The following FRMPD4 variants were observed in gnomAD, a reference collection of about 807,000 sequenced individuals.
FRMPD4 encodes the protein FERM and PDZ domain-containing protein 4.
A neutral mutation model predicts 94.1 loss-of-function variants in FRMPD4; 22 were observed. The ratio of observed to expected loss-of-function variants is 0.23; its 90% CI spans 0.17 to 0.33. The LOEUF is 0.33. FRMPD4 is among the 10% of genes least tolerant of loss of function. The pLI is 1.00. For missense variants in FRMPD4, 1,111 were observed against 1,339.9 expected, an observed-to-expected ratio of 0.83 and a Z score of 2.67; for synonymous variants, 631 against 548.6, an observed-to-expected ratio of 1.15 and a Z score of -2.10.
At chrX:12,692,600 CTGTT>C (rs959049403) in intron 8 of FRMPD4, among the ~76,000 whole-genome samples, 8 of 112,183 alleles carry the variant, frequency 7.1e-5, no homozygotes, top group South Asian at 7.4e-4. Flanking sequence ...GAAATTGTTT[CTGTT>C]TGTTTATTTT....
At chrX:11,921,709 A>G (rs2054057499) in intron 3 of FRMPD4, among the ~76,000 whole-genome samples, 4 of 112,360 alleles carry the variant, frequency 3.6e-5, no homozygotes, top group Admixed American at 9.5e-5. Flanking sequence ...AAGAAAACAT[A>G]AGGAGCATAG....
At chrX:12,563,691 C>G (rs1219950372) in intron 2 of FRMPD4, among the ~76,000 whole-genome samples, 1 of 112,065 alleles carries the variant, frequency 8.9e-6, no homozygotes, top group African/African-American at 3.2e-5. Context: ...TTTCTCAACA[C>G]ACAACTTTAC....
intron 3 of FRMPD4, among the ~76,000 whole-genome samples, chrX:11,921,113 C>T (rs2054053411): frequency 8.9e-6 from 1 of 112,214 alleles, no homozygotes; most frequent in African/African-American, 3.2e-5. Flanking sequence ...CCATGCCTTT[C>T]TATGAGGAGT....
At chrX:12,481,956 A>AAAAAAAAATAAAAAT (rs2057690048) in intron 1 of FRMPD4, among the ~76,000 whole-genome samples, 1 of 97,748 alleles carries the variant, frequency 1.0e-5, no homozygotes, top group Non-Finnish European at 2.1e-5. Flanking sequence ...AAAAAAAAAA[A>AAAAAAAAATAAAAAT]AAAAAAAAAA....
chrX:12,316,645 A>C (rs1306114772), intron 1 of FRMPD4, among the ~76,000 whole-genome samples: 1 of 111,319 alleles, frequency 9.0e-6, no homozygotes, highest in African/African-American at 3.3e-5. Flanking sequence ...ATTATTTTGC[A>C]TTCACTTCTG....
At chrX:11,998,671 A>G (rs1476599108) in intron 3 of FRMPD4, among the ~76,000 whole-genome samples, 1 of 112,065 alleles carries the variant, frequency 8.9e-6, no homozygotes, top group Non-Finnish European at 1.9e-5. Flanking sequence ...GGGATTGTTT[A>G]AAAAATCTCT....
intron 14 of FRMPD4, among the ~76,000 whole-genome samples, chrX:12,715,070 T>C (rs773902353): frequency 5.4e-5 from 6 of 111,671 alleles, no homozygotes. Context: ...TGGGGGCAGT[T>C]TGAGGGAACA....
Position 12,721,331 on chromosome X carries a change from C to T in FRMPD4, c.4762C>T (p.Arg1588Trp). 1.3e-6 allele frequency: 1 copy of T among 755,592 alleles called. No individual in the cohort carries two copies. The highest frequency in any genetic ancestry group is 1.6e-6 in the Non-Finnish European group (1 of 639,083). The allele number at this position is 755,592 out of a possible 1,213,427, so 62.3% of individuals were successfully genotyped here. ...CTTCAGCAACCTGGCTTTTGATGCC[C>T]GGATTGCAAGAATAAATGCCCTAAA... Reference protein sequence around the residue: ...LDFSNLAFDARIARINALKES... With the variant: ...LDFSNLAFDAWIARINALKES... The change falls in exon 17 of 17, where the codon CGG becomes TGG. Residue 1588 changes from arginine to tryptophan, a missense_variant. Around this residue, in one of 8 missense-constraint regions of FRMPD4, gnomAD observed 551 missense variants for 591.6 expected, o/e 0.93. Coordinates refer to ENST00000675598, the MANE Select transcript of FRMPD4 (RefSeq NM_001368397.1).
At chrX:12,106,460 C>T (rs761758560) in intron 3 of FRMPD4, among the ~76,000 whole-genome samples, 165 of 110,878 alleles carry the variant, frequency 1.5e-3, no homozygotes, top group African/African-American at 5.0e-3. Context: ...CTCCAGTCTA[C>T]AGCTCCCAGC....
At chrX:12,011,913 T>G (rs373987596) in intron 3 of FRMPD4, among the ~76,000 whole-genome samples, 34 of 109,781 alleles carry the variant, frequency 3.1e-4, no homozygotes, top group African/African-American at 1.1e-3. Context: ...TGAATTTTTT[T>G]TTTTTTTTGA....
At chrX:12,105,251 G>T in intron 3 of FRMPD4, among the ~76,000 whole-genome samples, 1 of 111,928 alleles carries the variant, frequency 8.9e-6, no homozygotes, top group Middle Eastern at 4.6e-3. Flanking sequence ...TCAGGTTATG[G>T]CATTGGCACA....
At chrX:12,607,517 T>C (rs1019309673) in intron 2 of FRMPD4, among the ~76,000 whole-genome samples, 2 of 111,892 alleles carry the variant, frequency 1.8e-5, no homozygotes, top group African/African-American at 6.5e-5. Flanking sequence ...AGGCTCCACA[T>C]TTTCATTTTG....
intron 2 of FRMPD4, among the ~76,000 whole-genome samples, chrX:12,573,274 C>G (rs2058777025): frequency 8.9e-6 from 1 of 112,257 alleles, no homozygotes; most frequent in Non-Finnish European, 1.9e-5. Context: ...CACAACAGAG[C>G]TCTGCCTGTC....
At chrX:12,435,198 C>T (rs1689896406) in intron 1 of FRMPD4, among the ~76,000 whole-genome samples, 1 of 111,550 alleles carries the variant, frequency 9.0e-6, no homozygotes, top group African/African-American at 3.3e-5. Context: ...CTATTACGTA[C>T]TCTAACTGGT....
intron 3 of FRMPD4, among the ~76,000 whole-genome samples, chrX:12,131,803 C>T (rs1166948634): frequency 8.9e-6 from 1 of 111,965 alleles, no homozygotes; most frequent in Non-Finnish European, 1.9e-5. Context: ...TTTCTGGTCT[C>T]ACCTTTTGTC....
chrX:12,710,629 C>A (rs2041968226), intron 14 of FRMPD4, 92 bp downstream of exon 14: 1 of 866,037 alleles, frequency 1.2e-6, no homozygotes, highest in South Asian at 2.5e-5. Context: ...AAGTTAAGGC[C>A]AGGCGCGGTG....
intron 4 of FRMPD4, among the ~76,000 whole-genome samples, chrX:12,624,392 G>A (rs1182458598): frequency 8.9e-6 from 1 of 112,039 alleles, no homozygotes; most frequent in Non-Finnish European, 1.9e-5. Flanking sequence ...GGCAGGGAGA[G>A]TTAGACGTGT....
At chrX:12,570,416 C>T (rs1160843452) in intron 2 of FRMPD4, among the ~76,000 whole-genome samples, 1 of 111,832 alleles carries the variant, frequency 8.9e-6, no homozygotes, top group East Asian at 2.8e-4. Flanking sequence ...AGTGATTCTC[C>T]TGCCTCAGCC....
intron 2 of FRMPD4, among the ~76,000 whole-genome samples, chrX:12,590,228 T>C (rs995431763): frequency 8.9e-6 from 1 of 112,277 alleles, no homozygotes; most frequent in African/African-American, 3.2e-5. Flanking sequence ...TTTAATATGA[T>C]TTCCTCCTCA....
Sources: gnomAD v4.1 joint callset for allele counts (sites outside exome capture counted in the v4.1 genomes callset) on GRCh38, gnomAD v4.1.1 for gene constraint, gnomAD v4.1.1 regional missense constraint, MANE v1.5 for transcripts, NCBI Gene and HGNC (gene_info 2026-07-23, HGNC 2026-07-21) for gene names.